Variants in SMOC1 observed in about 807,000 individuals in gnomAD.
SMOC1 encodes SPARC-related modular calcium-binding protein 1.
In SMOC1, 22 loss-of-function variants were observed where a neutral mutation model predicts 56.3. The observed-to-expected ratio is 0.39, with a 90% CI of 0.28 to 0.56. The LOEUF is 0.56. SMOC1 is among the 20% of genes least tolerant of loss of function. The probability of loss-of-function intolerance (pLI) is 0.61; values close to 1 mark genes in which losing one functional copy is unlikely to be tolerated. For missense variants in SMOC1, 509 were observed against 565.4 expected (o/e 0.90, Z 1.01); for synonymous variants, 193 against 215.0 (o/e 0.90, Z 0.89).
At chr14:70,027,137 C>A (rs1295842382) in intron 11 of SMOC1, among the ~76,000 whole-genome samples, 1 of 152,186 alleles carries the variant, frequency 6.6e-6, no homozygotes, top group Non-Finnish European at 1.5e-5. Context: ...CAGCCCAGAG[C>A]TAGAAGGCTC....
intron 1 of SMOC1, among the ~76,000 whole-genome samples, chr14:69,887,878 T>C (rs1189359975): frequency 6.6e-6 from 1 of 152,166 alleles, no homozygotes; most frequent in South Asian, 2.1e-4. Flanking sequence ...GTGGAGGTAG[T>C]GTCTGGACTA....
intron 11 of SMOC1, among the ~76,000 whole-genome samples, chr14:70,024,042 A>G (rs1885835992): frequency 6.6e-6 from 1 of 152,136 alleles, no homozygotes; most frequent in Admixed American, 6.6e-5. Flanking sequence ...AGTCCTGGAA[A>G]TGACACTCAT....
chr14:69,977,986 T>C, intron 5 of SMOC1, 21 bp downstream of exon 5: 1 of 1,608,084 alleles, frequency 6.2e-7, no homozygotes, highest in African/African-American at 1.3e-5. Context: ...TTTTATGCTT[T>C]ATCTAAATGT....
chr14:69,988,019 C>A (rs936575543), intron 5 of SMOC1, among the ~76,000 whole-genome samples: 1 of 152,182 alleles, frequency 6.6e-6, no homozygotes, highest in Non-Finnish European at 1.5e-5. Flanking sequence ...GCCTCTGGGA[C>A]CTTGATCAAA....
intron 1 of SMOC1, among the ~76,000 whole-genome samples, chr14:69,931,963 A>C (rs1024594487): frequency 1.1e-4 from 17 of 152,238 alleles, no homozygotes; most frequent in African/African-American, 4.1e-4. Flanking sequence ...GAAGTGGAGC[A>C]GGTGTCGCGC....
intron 1 of SMOC1, 55 bp downstream of exon 1, chr14:69,879,832 C>A: frequency 6.9e-7 from 1 of 1,448,952 alleles, no homozygotes; most frequent in Non-Finnish European, 9.3e-7. Context: ...GGTTGCTTCC[C>A]CCCTCATCCC....
chr14:69,881,443 GCCT>G (rs1883635915), intron 1 of SMOC1, among the ~76,000 whole-genome samples: 1 of 151,994 alleles, frequency 6.6e-6, no homozygotes, highest in Non-Finnish European at 1.5e-5. Context: ...CTCCTTCCTG[GCCT>G]CCTGGAATCA....
intron 1 of SMOC1, among the ~76,000 whole-genome samples, chr14:69,920,201 A>G (rs766900814): frequency 6.6e-6 from 1 of 152,186 alleles, no homozygotes; most frequent in South Asian, 2.1e-4. Flanking sequence ...AGCCCCTTCT[A>G]TTTGGCAGTA....
chr14:70,007,966 T>C (rs1306082789), intron 7 of SMOC1, among the ~76,000 whole-genome samples: 2 of 152,214 alleles, frequency 1.3e-5, no homozygotes, highest in African/African-American at 2.4e-5. Context: ...GTCTCTTTCT[T>C]AGAGGCACCT....
chr14:69,954,515 T>C (rs1594821352), intron 3 of SMOC1, among the ~76,000 whole-genome samples: 2 of 152,158 alleles, frequency 1.3e-5, no homozygotes, highest in East Asian at 3.9e-4. Context: ...GACAGAAAGG[T>C]GCTTCTCAGG....
chr14:70,011,986 C>T (rs776025498), intron 9 of SMOC1, among the ~76,000 whole-genome samples: 3 of 152,188 alleles, frequency 2.0e-5, no homozygotes, highest in East Asian at 1.9e-4. Flanking sequence ...TGACACAGGA[C>T]GACCATGGAG....
At chr14:69,892,141 T>C (rs1252627504) in intron 1 of SMOC1, among the ~76,000 whole-genome samples, 4 of 152,254 alleles carry the variant, frequency 2.6e-5, no homozygotes, top group African/African-American at 9.6e-5. Context: ...TCTATTGTTA[T>C]GGTTTCTGTC....
intron 5 of SMOC1, among the ~76,000 whole-genome samples, chr14:69,981,547 G>T (rs1594836984): frequency 6.6e-6 from 1 of 152,242 alleles, no homozygotes; most frequent in Non-Finnish European, 1.5e-5. Flanking sequence ...GGGAGAGGGG[G>T]ACGGTGCACA....
intron 5 of SMOC1, among the ~76,000 whole-genome samples, chr14:69,991,919 G>A (rs942691259): frequency 6.6e-6 from 1 of 152,174 alleles, no homozygotes; most frequent in Non-Finnish European, 1.5e-5. Context: ...GAAGGGAATG[G>A]CACACAGGTC....
chr14:69,920,941 T>TG (rs1756377896), intron 1 of SMOC1, among the ~76,000 whole-genome samples: 1 of 152,176 alleles, frequency 6.6e-6, no homozygotes, highest in Non-Finnish European at 1.5e-5. Context: ...AACTGTAAGA[T>TG]GGGGAACCCT....
chr14:70,013,032 G>A (rs1469211587), intron 9 of SMOC1, among the ~76,000 whole-genome samples: 1 of 152,210 alleles, frequency 6.6e-6, no homozygotes. Flanking sequence ...TAGGACGACT[G>A]CTTGGCTATT....
intron 10 of SMOC1, among the ~76,000 whole-genome samples, chr14:70,016,409 GAA>G (rs1885515221): frequency 6.6e-6 from 1 of 152,152 alleles, no homozygotes; most frequent in African/African-American, 2.4e-5. Context: ...ATGAAGACTT[GAA>G]CTGCCTTTGG....
intron 10 of SMOC1, among the ~76,000 whole-genome samples, chr14:70,021,640 C>T (rs913750404): frequency 3.9e-5 from 6 of 152,218 alleles, no homozygotes; most frequent in Non-Finnish European, 7.4e-5. Flanking sequence ...CCAGGATGCC[C>T]GGATTACCTG....
chr14:69,918,885 A>G (rs898597201), intron 1 of SMOC1, among the ~76,000 whole-genome samples: 2 of 152,226 alleles, frequency 1.3e-5, no homozygotes, highest in African/African-American at 4.8e-5. Context: ...TAGTCCTCAC[A>G]AGATCACATA....
Sources: allele counts gnomAD v4.1 joint callset (sites outside exome capture counted in the v4.1 genomes callset), GRCh38; gene constraint gnomAD v4.1.1; transcripts MANE v1.5; gene names NCBI Gene and HGNC (gene_info 2026-07-23, HGNC 2026-07-21).